The following TLN2 variants were observed in gnomAD, a reference collection of about 807,000 sequenced individuals.
TLN2 encodes the protein talin-2.
Under a neutral mutation model 294.7 loss-of-function variants are expected in TLN2, and 118 were observed. The ratio of observed to expected loss-of-function variants is 0.40; its 90% CI spans 0.34 to 0.47. The LOEUF is 0.47. TLN2 is among the 20% of genes least tolerant of loss of function. TLN2 has a pLI of 0.84. For missense variants in TLN2, 3,083 were observed against 3,282.2 expected, an observed-to-expected ratio of 0.94 and a Z score of 1.48; for synonymous variants, 1,431 against 1,304.5, an observed-to-expected ratio of 1.10 and a Z score of -2.09.
intron 1 of TLN2, among the ~76,000 whole-genome samples, chr15:62,411,416 G>A (rs1260331082): frequency 6.8e-6 from 1 of 147,504 alleles, no homozygotes; most frequent in Non-Finnish European, 1.5e-5. Context: ...TCCTTAGAGA[G>A]TGTGAGTAAT....
chr15:62,646,564 AC>A (rs2051873769), intron 3 of TLN2, among the ~76,000 whole-genome samples: 1 of 152,120 alleles, frequency 6.6e-6, no homozygotes, highest in Non-Finnish European at 1.5e-5. Context: ...TCCCTTTGAG[AC>A]CCCAATCACG....
intron 22 of TLN2, 149 bp from the exon 23 acceptor site, chr15:62,716,182 A>T: frequency 9.6e-7 from 1 of 1,041,446 alleles, no homozygotes; most frequent in Non-Finnish European, 1.3e-6. Flanking sequence ...TTGTTGCATG[A>T]GGAAACATCT....
intron 2 of TLN2, among the ~76,000 whole-genome samples, chr15:62,597,594 C>T (rs1429703855): frequency 6.6e-6 from 1 of 152,184 alleles, no homozygotes; most frequent in Admixed American, 6.5e-5. Context: ...TCTCTAGGTA[C>T]ACTGCACAGG....
chr15:62,701,153 A>T lies in TLN2; in HGVS notation c.1635A>T (p.Glu545Asp), dbSNP rs191809972. ...ACAAAGTCGACGAATCCAAACACGA[A>T]ATCCATTCTCAAGTTGATGCTATCA... ...VQNKVDESKHEIHSQVDAITA... is the reference protein window; with the variant it reads ...VQNKVDESKHDIHSQVDAITA... The change falls in exon 17 of 59, where the codon GAA (glutamate) becomes GAT (aspartate). Residue 545 changes from glutamate (E) to aspartate (D), a missense_variant. Transcript: ENST00000636159. The T allele has an allele frequency of 1.2e-6, 2 of 1,614,186 alleles. No individual in the cohort carries two copies. The highest frequency in any genetic ancestry group is 2.7e-5 in the African/African-American group (2 of 75,040).
At chr15:62,811,153 C>T (rs573506529) in intron 52 of TLN2, among the ~76,000 whole-genome samples, 2 of 152,360 alleles carry the variant, frequency 1.3e-5, no homozygotes, top group South Asian at 4.1e-4. Context: ...TGATGCTAAA[C>T]ATTTTAGGTC....
intron 1 of TLN2, among the ~76,000 whole-genome samples, chr15:62,418,995 A>G (rs959473106): frequency 1.2e-4 from 18 of 152,172 alleles, no homozygotes; most frequent in African/African-American, 3.6e-4. Flanking sequence ...TTTTAAGTAC[A>G]TTTGGAATAA....
chr15:62,738,414 A>G, intron 30 of TLN2, 81 bp downstream of exon 30: 1 of 1,496,152 alleles, frequency 6.7e-7, no homozygotes, highest in Non-Finnish European at 9.0e-7. Flanking sequence ...TCTCTCCATG[A>G]GATCTCTGAG....
At position 62,408,865 on chromosome 15, in the gene TLN2, G is replaced by T. The variant is rs146390159; in HGVS notation, c.-238+18180G>T. Among the ~76,000 whole-genome samples the T allele has an allele frequency of 5.8e-3, 874 of 151,720 alleles. 30 individuals are homozygous for T. The highest frequency in any genetic ancestry group is 0.049 in the Admixed American group (745 of 15,240). On this transcript the variant is annotated intron_variant, in intron 1 of 58. Transcript: ENST00000636159. ...TGTAGAGACTAGGTCTTGCTTTGTT[G>T]CCCAGGCTGTTCTTGAACTCCTGAG...
At chr15:62,691,043 A>AGGGGG (rs1567365169) in intron 12 of TLN2, among the ~76,000 whole-genome samples, 14 of 8,352 alleles carry the variant, frequency 1.7e-3, no homozygotes, top group East Asian at 9.3e-3. Flanking sequence ...AGGGAGAGGG[A>AGGGGG]GAGGGGGAGG....
intron 1 of TLN2, among the ~76,000 whole-genome samples, chr15:62,474,731 T>C (rs565416477): frequency 9.8e-5 from 15 of 152,324 alleles, no homozygotes; most frequent in African/African-American, 3.4e-4. Context: ...GAAATATGTT[T>C]GGTTTGCTTG....
intron 3 of TLN2, among the ~76,000 whole-genome samples, chr15:62,620,571 T>C (rs2048713301): frequency 6.8e-6 from 1 of 147,820 alleles, no homozygotes; most frequent in Admixed American, 6.8e-5. Context: ...CTCAACCTCC[T>C]GGGCTCAAGC....
At chr15:62,570,137 G>A (rs2043744981) in intron 1 of TLN2, among the ~76,000 whole-genome samples, 1 of 152,138 alleles carries the variant, frequency 6.6e-6, no homozygotes, top group African/African-American at 2.4e-5. Context: ...CTGTTGATGT[G>A]TATGTGTTTC....
intron 1 of TLN2, among the ~76,000 whole-genome samples, chr15:62,428,418 T>C (rs139743351): frequency 1.7e-3 from 254 of 152,364 alleles, no homozygotes; most frequent in Non-Finnish European, 2.7e-3. Flanking sequence ...TTGCGTTTAG[T>C]GTAGACGTAA....
At chr15:62,524,595 A>C (rs1159022368) in intron 1 of TLN2, among the ~76,000 whole-genome samples, 4 of 152,172 alleles carry the variant, frequency 2.6e-5, no homozygotes. Context: ...CCTCAGAAGG[A>C]GTAGATGAAA....
At chr15:62,628,581 C>T (rs2049491741) in intron 3 of TLN2, among the ~76,000 whole-genome samples, 1 of 152,216 alleles carries the variant, frequency 6.6e-6, no homozygotes, top group Non-Finnish European at 1.5e-5. Context: ...TTTCAGTCTC[C>T]ATTTTTGACC....
chr15:62,552,348 C>T lies in TLN2; in HGVS notation c.-237-37339C>T, dbSNP rs1177849552. On this transcript the variant is annotated intron_variant, in intron 1 of 58. Coordinates refer to ENST00000636159, the MANE Select transcript of TLN2 (RefSeq NM_015059.3). ...GATTCCATATTTGTCAATTTGCCTACTTAGTGAGATTTATTTGTAACCTAC... is the reference window on the plus strand; with the variant it reads ...GATTCCATATTTGTCAATTTGCCTATTTAGTGAGATTTATTTGTAACCTAC... Among the ~76,000 whole-genome samples, 4 of 152,216 alleles carry T rather than the reference C, an allele frequency of 2.6e-5. No individual in the cohort carries two copies. The East Asian group carries it at 7.7e-4, about 29-fold the overall frequency.
rs927020565 is a variant in TLN2, at chr15:62,640,888, A to T, written c.-36-6387A>T. On this transcript the variant is annotated intron_variant, in intron 3 of 58. Coordinates refer to ENST00000636159, the MANE Select transcript of TLN2 (RefSeq NM_015059.3). Reference sequence around the variant, plus strand: ...GCGATCTTGGCTCACTGCAACCACTACCTCCCGGGTTCCAGCAATTTTCCT... The same window carrying T: ...GCGATCTTGGCTCACTGCAACCACTTCCTCCCGGGTTCCAGCAATTTTCCT... Among the ~76,000 whole-genome samples, 10 of 151,716 alleles carry T rather than the reference A, an allele frequency of 6.6e-5. No homozygotes were observed. In the East Asian group the frequency reaches 1.7e-3, roughly 27 times the overall value.
At chr15:62,587,327 T>C (rs965350714) in intron 1 of TLN2, among the ~76,000 whole-genome samples, 2 of 152,240 alleles carry the variant, frequency 1.3e-5, no homozygotes, top group African/African-American at 4.8e-5. Flanking sequence ...TAATGATTGC[T>C]CATTTTATGA....
At chr15:62,540,714 T>A (rs1182994231) in intron 1 of TLN2, among the ~76,000 whole-genome samples, 1 of 152,132 alleles carries the variant, frequency 6.6e-6, no homozygotes, top group Non-Finnish European at 1.5e-5. Flanking sequence ...GCAATGGGCC[T>A]TTCTGCCTAG....
Sources: gnomAD v4.1 joint callset for allele counts (sites outside exome capture counted in the v4.1 genomes callset) on GRCh38, gnomAD v4.1.1 for gene constraint, MANE v1.5 for transcripts, NCBI Gene and HGNC (gene_info 2026-07-23, HGNC 2026-07-21) for gene names.